DDR2: variants seen among roughly 807,000 people sequenced by gnomAD.
The protein encoded by DDR2 is discoidin domain receptor tyrosine kinase 2, also known as discoidin domain-containing receptor 2.
In DDR2, 27 loss-of-function variants were observed where a neutral mutation model predicts 94.9. The ratio of observed to expected loss-of-function variants is 0.28; its 90% CI spans 0.21 to 0.39. DDR2 has a LOEUF of 0.39. Among genes scored for constraint, DDR2 ranks in the 10% least tolerant of loss-of-function variants. The pLI is 1.00. For missense variants in DDR2, 783 were observed against 1,076.0 expected (o/e 0.73, Z 3.81); for synonymous variants, 382 against 377.2 (o/e 1.01, Z -0.15).
intron 4 of DDR2, among the ~76,000 whole-genome samples, chr1:162,753,779 T>C (rs1663328959): frequency 6.6e-6 from 1 of 152,222 alleles, no homozygotes; most frequent in African/African-American, 2.4e-5. Context: ...ATAAACTCCC[T>C]ACTGCTCTAC....
Position 162,785,122 on chromosome 1 carries a change from G to A in DDR2, c.*4876G>A, listed in dbSNP as rs1273514878. On this transcript the variant is annotated 3_prime_UTR_variant, in exon 18 of 18. Coordinates refer to ENST00000367921, the MANE Select transcript of DDR2 (RefSeq NM_006182.4). Reference sequence around the variant, plus strand: ...CTGTTTGGCATCTGAAACAATCCAAGACAAACTTAGAAAGATTAGGCAACA... The same window carrying A: ...CTGTTTGGCATCTGAAACAATCCAAAACAAACTTAGAAAGATTAGGCAACA... The A allele has an allele frequency of 6.6e-6, 1 of 152,180 alleles. No individual in the cohort carries two copies. The highest frequency in any genetic ancestry group is 6.5e-5 in the Admixed American group (1 of 15,278). The allele number at this position is 152,180 out of a possible 1,614,324, so 9.4% of individuals were successfully genotyped here.
At chr1:162,735,295 G>T (rs1269688044) in intron 3 of DDR2, among the ~76,000 whole-genome samples, 2 of 152,146 alleles carry the variant, frequency 1.3e-5, no homozygotes, top group Non-Finnish European at 2.9e-5. Flanking sequence ...AGAGCTGGAC[G>T]AGTCGAGGAA....
chr1:162,679,397 T>C (rs146954529), intron 2 of DDR2, among the ~76,000 whole-genome samples: 1 of 152,232 alleles, frequency 6.6e-6, no homozygotes, highest in Non-Finnish European at 1.5e-5. Flanking sequence ...CAGATGACCA[T>C]CATATTTTTA....
At chr1:162,700,700 C>G (rs1042737736) in intron 2 of DDR2, among the ~76,000 whole-genome samples, 1 of 152,158 alleles carries the variant, frequency 6.6e-6, no homozygotes, top group Non-Finnish European at 1.5e-5. Flanking sequence ...CAATGAGAAT[C>G]TCTTACTCTA....
chr1:162,699,524 G>A (rs373740096), intron 2 of DDR2, among the ~76,000 whole-genome samples: 44 of 152,324 alleles, frequency 2.9e-4, no homozygotes, highest in African/African-American at 1.0e-3. Context: ...TGAAGAGTAT[G>A]GAGTGTTGTT....
At chr1:162,695,294 C>T (rs945907516) in intron 2 of DDR2, among the ~76,000 whole-genome samples, 2 of 152,098 alleles carry the variant, frequency 1.3e-5, no homozygotes, top group Non-Finnish European at 2.9e-5. Flanking sequence ...TGCAGTGGTG[C>T]GATCTTGGCT....
chr1:162,654,935 T>C (rs934709808), intron 1 of DDR2, among the ~76,000 whole-genome samples: 4 of 152,242 alleles, frequency 2.6e-5, no homozygotes, highest in African/African-American at 9.6e-5. Context: ...GATAAAGTTA[T>C]TTTTATAACA....
chr1:162,716,371 G>A (rs560747298), intron 2 of DDR2, among the ~76,000 whole-genome samples: 2 of 152,168 alleles, frequency 1.3e-5, no homozygotes, highest in Non-Finnish European at 2.9e-5. Context: ...AAGAGCTCGG[G>A]TCTCTCTGGA....
chr1:162,744,436 G>C (rs1005300382), intron 3 of DDR2, among the ~76,000 whole-genome samples: 1 of 152,114 alleles, frequency 6.6e-6, no homozygotes, highest in African/African-American at 2.4e-5. Context: ...ATTTCACTTA[G>C]AATTATTTCT....
intron 3 of DDR2, among the ~76,000 whole-genome samples, chr1:162,748,338 A>G (rs1425763385): frequency 1.3e-5 from 2 of 152,224 alleles, no homozygotes; most frequent in Non-Finnish European, 2.9e-5. Context: ...AAAAAAAGGC[A>G]GGGGTTGCAA....
chr1:162,755,338 T>C, intron 6 of DDR2, 35 bp downstream of exon 6: 1 of 1,612,692 alleles, frequency 6.2e-7, no homozygotes, highest in Non-Finnish European at 8.5e-7. Flanking sequence ...ATAGACTTTA[T>C]TAAAAACTCC....
intron 2 of DDR2, among the ~76,000 whole-genome samples, chr1:162,716,299 T>C (rs1661164384): frequency 6.6e-6 from 1 of 152,110 alleles, no homozygotes; most frequent in Non-Finnish European, 1.5e-5. Flanking sequence ...AAAAGACTGC[T>C]AGGAGAGGGC....
At chr1:162,765,071 T>A (rs1663926527) in intron 9 of DDR2, among the ~76,000 whole-genome samples, 1 of 152,106 alleles carries the variant, frequency 6.6e-6, no homozygotes, top group Non-Finnish European at 1.5e-5. Flanking sequence ...ATGCTCAAAG[T>A]CAGTGCCACT....
chr1:162,648,044 A>T (rs968673682), intron 1 of DDR2, among the ~76,000 whole-genome samples: 2 of 102,506 alleles, frequency 2.0e-5, no homozygotes, highest in South Asian at 4.3e-4. Flanking sequence ...TGTATTTAGC[A>T]AGAGGTTTTT....
chr1:162,760,183 G>A (rs1320898451), intron 8 of DDR2, among the ~76,000 whole-genome samples: 1 of 152,144 alleles, frequency 6.6e-6, no homozygotes, highest in Admixed American at 6.5e-5. Flanking sequence ...GAATAGGTCA[G>A]TGAGCTCTCT....
chr1:162,747,230 T>C (rs1662920092), intron 3 of DDR2, among the ~76,000 whole-genome samples: 1 of 152,104 alleles, frequency 6.6e-6, no homozygotes, highest in African/African-American at 2.4e-5. Flanking sequence ...CAAGGAAGTT[T>C]GGAGGATGTT....
intron 7 of DDR2, 95 bp downstream of exon 7, chr1:162,755,864 C>A: frequency 9.1e-7 from 1 of 1,103,494 alleles, no homozygotes; most frequent in Non-Finnish European, 1.4e-6. Context: ...ATCAACCAAT[C>A]AGTATTTATT....
chr1:162,758,452 G>A (rs1207297313), intron 7 of DDR2, among the ~76,000 whole-genome samples: 1 of 152,092 alleles, frequency 6.6e-6, no homozygotes, highest in African/African-American at 2.4e-5. Context: ...TTTTGACCAA[G>A]GGGGAACTGA....
At chr1:162,749,995 T>C (rs939598940) in intron 3 of DDR2, among the ~76,000 whole-genome samples, 1 of 151,376 alleles carries the variant, frequency 6.6e-6, no homozygotes, top group Non-Finnish European at 1.5e-5. Flanking sequence ...AAACTAGGTA[T>C]TGATGGTAAG....
Sources: allele counts gnomAD v4.1 joint callset (sites outside exome capture counted in the v4.1 genomes callset), GRCh38; gene constraint gnomAD v4.1.1; transcripts MANE v1.5; gene names NCBI Gene and HGNC (gene_info 2026-07-23, HGNC 2026-07-21).